Variants in MCPH1 observed in about 807,000 individuals in gnomAD.
MCPH1 encodes microcephalin.
Under a neutral mutation model 84.5 loss-of-function variants are expected in MCPH1, and 104 were observed. The observed-to-expected ratio is 1.23, with a 90% CI of 1.05 to 1.45. The LOEUF is 1.45. MCPH1 is among the 40% of genes most tolerant of loss of function. MCPH1 has a pLI of 0.00. For synonymous variants in MCPH1, 514 were observed against 366.8 expected (o/e 1.40, Z -4.58); for missense variants, 1,498 against 1,005.7 (o/e 1.49, Z -6.62).
chr8:6,594,226 G>A (rs577294442), intron 12 of MCPH1, among the ~76,000 whole-genome samples: 1 of 152,338 alleles, frequency 6.6e-6, no homozygotes, highest in Admixed American at 6.5e-5. Context: ...CCTTATGCTG[G>A]TCCTGGACAG....
chr8:6,523,038 C>A (rs112595419), intron 12 of MCPH1, among the ~76,000 whole-genome samples: 31 of 151,940 alleles, frequency 2.0e-4, no homozygotes, highest in Non-Finnish European at 4.1e-4. Context: ...CGCTCTGTCA[C>A]CCAGACTGGA....
At chr8:6,447,941 T>A (rs2920672) in intron 8 of MCPH1, among the ~76,000 whole-genome samples, 22,123 of 152,182 alleles carry the variant, frequency 0.15, 1,712 homozygotes, top group Middle Eastern at 0.25. Context: ...CACAGATACA[T>A]TCCCATTGTA....
chr8:6,539,834 G>C (rs1010702034), intron 12 of MCPH1, among the ~76,000 whole-genome samples: 2 of 152,328 alleles, frequency 1.3e-5, no homozygotes, highest in East Asian at 3.9e-4. Context: ...CCATCTGCCT[G>C]CCTTGGCCTC....
intron 13 of MCPH1, chr8:6,625,950 T>G (rs923396144): frequency 1.0e-6 from 1 of 985,174 alleles, no homozygotes; most frequent in Non-Finnish European, 1.2e-6. Context: ...TTCTTTATTA[T>G]TATTAGTATT....
At chr8:6,546,640 C>G (rs1237949588) in intron 12 of MCPH1, among the ~76,000 whole-genome samples, 2 of 152,216 alleles carry the variant, frequency 1.3e-5, no homozygotes, top group African/African-American at 4.8e-5. Flanking sequence ...CCGCTTAATA[C>G]AAGCAACTGT....
chr8:6,525,641 C>G lies in MCPH1; in HGVS notation c.2214+25712C>G, dbSNP rs535372913. ...ATTTGCATATTTTTGTAATGATATA[C>G]TTGCAAATAAAATCATAGGCCAGTC... On this transcript the variant is annotated intron_variant, in intron 12 of 13. Coordinates refer to ENST00000344683, the MANE Select transcript of MCPH1 (RefSeq NM_024596.5). 2.6e-5 allele frequency among the ~76,000 whole-genome samples: 4 copies of G among 152,054 alleles called. No homozygotes were observed. The South Asian group carries it at 8.3e-4, about 32-fold the overall frequency.
At chr8:6,569,910 G>T (rs1826520821) in intron 12 of MCPH1, among the ~76,000 whole-genome samples, 2 of 152,184 alleles carry the variant, frequency 1.3e-5, no homozygotes, top group African/African-American at 2.4e-5. Flanking sequence ...TTGTATGAAA[G>T]CTCACCAGAC....
rs868160897 is a variant in MCPH1 at position 6,425,525 on chromosome 8, C to T, written c.234-5974C>T. On this transcript the variant is annotated intron_variant, in intron 3 of 13. Coordinates refer to ENST00000344683, the MANE Select transcript of MCPH1 (RefSeq NM_024596.5). ...TCATAGTGAGTGATGATAGTTACAC[C>T]CAGGTAGATGAAATTCAGGGAGAGC... Among the ~76,000 whole-genome samples, 57 of 152,148 alleles carry T rather than the reference C, an allele frequency of 3.7e-4. 1 individual carries two copies. The highest frequency in any genetic ancestry group is 1.1e-3 in the African/African-American group (44 of 41,520).
chr8:6,575,719 G>T (rs1045141392), intron 12 of MCPH1, among the ~76,000 whole-genome samples: 1 of 152,194 alleles, frequency 6.6e-6, no homozygotes, highest in Non-Finnish European at 1.5e-5. Context: ...CTGGAGTGGA[G>T]TGGGCCCCTA....
At chr8:6,563,001 C>T (rs780342117) in intron 12 of MCPH1, 14 of 1,502,324 alleles carry the variant, frequency 9.3e-6, no homozygotes, top group East Asian at 2.3e-5. Context: ...GAGTCCCGAG[C>T]TGCTGCCGTC....
chr8:6,441,426 G>T (rs1318063978), intron 6 of MCPH1, among the ~76,000 whole-genome samples: 2 of 151,992 alleles, frequency 1.3e-5, no homozygotes, highest in South Asian at 4.1e-4. Flanking sequence ...TCTCAGAAAA[G>T]TATCCTTTTG....
In MCPH1 at chr8:6,418,897, A is replaced by T. The variant is rs570091505; in HGVS notation, c.233+4014A>T. Among the ~76,000 whole-genome samples, 6 of 151,518 alleles carry T rather than the reference A, an allele frequency of 4.0e-5. No individual in the cohort carries two copies. The East Asian group carries it at 1.2e-3, about 29-fold the overall frequency. On this transcript the variant is annotated intron_variant, in intron 3 of 13. Coordinates refer to ENST00000344683, the MANE Select transcript of MCPH1 (RefSeq NM_024596.5). ...GCCCGGCCAGGATTTTTTTTTTAAGACTCATGGCTTTACTGTAATATGTTT... is the reference window on the plus strand; with the variant it reads ...GCCCGGCCAGGATTTTTTTTTTAAGTCTCATGGCTTTACTGTAATATGTTT...
chr8:6,422,849 C>T (rs1054479365), intron 3 of MCPH1, among the ~76,000 whole-genome samples: 19 of 151,438 alleles, frequency 1.3e-4, no homozygotes, highest in Admixed American at 1.2e-3. Context: ...CCACCACGCC[C>T]GGCTAATTTT....
At chr8:6,616,747 C>T (rs1003687079) in intron 12 of MCPH1, 1 of 152,288 alleles carries the variant, frequency 6.6e-6, no homozygotes, top group Non-Finnish European at 1.5e-5. Context: ...AGCTGGAACT[C>T]TTTCAAACCC....
intron 12 of MCPH1, among the ~76,000 whole-genome samples, chr8:6,591,878 G>C (rs934088783): frequency 4.6e-5 from 7 of 152,142 alleles, no homozygotes; most frequent in Non-Finnish European, 8.8e-5. Context: ...TCTATATGTA[G>C]TAGGTATATC....
At chr8:6,532,404 C>A in intron 12 of MCPH1, 2 of 1,614,114 alleles carry the variant, frequency 1.2e-6, no homozygotes, top group Non-Finnish European at 1.7e-6. Flanking sequence ...CTATTTCTAT[C>A]ATCACAGCCG....
chr8:6,425,122 G>A (rs187834545), intron 3 of MCPH1, among the ~76,000 whole-genome samples: 1 of 152,336 alleles, frequency 6.6e-6, no homozygotes, highest in African/African-American at 2.4e-5. Flanking sequence ...CAGGTGTACT[G>A]TGGGAAGTGC....
intron 9 of MCPH1, among the ~76,000 whole-genome samples, chr8:6,458,317 A>G (rs1805911993): frequency 6.6e-6 from 1 of 151,880 alleles, no homozygotes; most frequent in Non-Finnish European, 1.5e-5. Flanking sequence ...CTAGAAATAC[A>G]AAAAATTAGC....
At chr8:6,482,639 G>A (rs948357159) in intron 11 of MCPH1, among the ~76,000 whole-genome samples, 5 of 152,184 alleles carry the variant, frequency 3.3e-5, no homozygotes, top group Middle Eastern at 3.2e-3. Context: ...GAGGTCAGAC[G>A]TGAGAACGTA....
Sources: gnomAD v4.1 joint callset for allele counts (sites outside exome capture counted in the v4.1 genomes callset) on GRCh38, gnomAD v4.1.1 for gene constraint, MANE v1.5 for transcripts, NCBI Gene and HGNC (gene_info 2026-07-23, HGNC 2026-07-21) for gene names.